CPLANE1: variants seen among roughly 807,000 people sequenced by gnomAD.
CPLANE1 encodes the protein ciliogenesis and planar polarity effector 1.
A neutral mutation model predicts 362.5 loss-of-function variants in CPLANE1; 263 were observed. The ratio of observed to expected loss-of-function variants is 0.73; its 90% CI spans 0.66 to 0.80. The LOEUF is 0.80. Among genes scored for constraint, CPLANE1 ranks in the 30% least tolerant of loss-of-function variants. The probability of loss-of-function intolerance (pLI) is 0.00; values close to 1 mark genes in which losing one functional copy is unlikely to be tolerated. For synonymous variants in CPLANE1, 1,212 were observed against 1,302.6 expected (o/e 0.93, Z 1.50); for missense variants, 3,461 against 3,793.4 (o/e 0.91, Z 2.30).
intron 44 of CPLANE1, chr5:37,141,408 T>C (rs1012161442): frequency 2.0e-6 from 2 of 985,386 alleles, no homozygotes; most frequent in Non-Finnish European, 2.4e-6. Context: ...CTCAGATGCT[T>C]TATATATGAT....
At chr5:37,211,691 C>G in intron 16 of CPLANE1, 1 of 784,550 alleles carries the variant, frequency 1.3e-6, no homozygotes, top group Non-Finnish European at 2.4e-6. Context: ...CGCCATCACC[C>G]GCTGAGTCTA....
intron 21 of CPLANE1, among the ~76,000 whole-genome samples, chr5:37,192,134 GATATGTTTAT>G (rs1785713192): frequency 1.3e-5 from 2 of 152,070 alleles, no homozygotes; most frequent in South Asian, 4.1e-4. Context: ...TCAATGTTTA[GATATGTTTAT>G]ATATACAAAT....
Position 37,247,801 on chromosome 5 carries a change from T to C in CPLANE1, c.-47-56A>G. ...TGATGCATAATATTCACTGGGCATT[T>C]TTTTTTTTTTTTTGAGACAAGAGTT... On this transcript the variant is annotated intron_variant, in intron 1 of 52. Coordinates refer to ENST00000651892, the MANE Select transcript of CPLANE1 (RefSeq NM_001384732.1). 3.5e-5 allele frequency: 37 copies of C among 1,059,546 alleles called. No homozygotes were observed. In the African/African-American group the frequency reaches 5.1e-4, roughly 15 times the overall value. 65.6% of individuals were successfully genotyped at this position (1,059,546 alleles called of 1,614,324 possible).
intron 4 of CPLANE1, among the ~76,000 whole-genome samples, 187 bp downstream of exon 4, chr5:37,245,292 C>A (rs1739187445): frequency 1.9e-5 from 2 of 106,620 alleles, no homozygotes; most frequent in Non-Finnish European, 3.8e-5. Context: ...TAAACATAAC[C>A]AAAACTATAT....
At position 37,115,059 on chromosome 5, in the gene CPLANE1, G is replaced by A. The variant is rs1760525857; in HGVS notation, c.9311-10C>T. ...GTGAAAGTGGCAGTTCCTATACAGA[G>A]AGACAAACATTATTAGCCTTCCATA... On this transcript the variant is annotated splice_polypyrimidine_tract_variant and intron_variant, in intron 50 of 52. Transcript: ENST00000651892. The A allele has an allele frequency of 1.9e-6, 3 of 1,544,268 alleles. No individual in the cohort carries two copies. Among genetic ancestry groups the A allele is most frequent in the South Asian group, 1.1e-5 (1 of 88,424 alleles).
chr5:37,183,759 T>A, intron 25 of CPLANE1, 60 bp from the exon 26 acceptor site: 1 of 1,194,702 alleles, frequency 8.4e-7, no homozygotes, highest in Non-Finnish European at 1.2e-6. Context: ...AAAACTGATC[T>A]TAGAATTGAC....
At position 37,120,410 on chromosome 5, in the gene CPLANE1, A is replaced by C. The variant is rs895218083; in HGVS notation, c.9186-70T>G. The C allele has an allele frequency of 5.0e-6, 7 of 1,403,046 alleles. No individual in the cohort carries two copies. The African/African-American group carries it at 8.9e-5, about 18-fold the overall frequency. 86.9% of individuals were successfully genotyped at this position (1,403,046 alleles called of 1,614,324 possible). A position where few individuals can be genotyped will look rare whatever the true frequency, so the allele number is the denominator to read the frequency against. On this transcript the variant is annotated intron_variant, in intron 49 of 52. Coordinates refer to ENST00000651892, the MANE Select transcript of CPLANE1 (RefSeq NM_001384732.1). ...TCAGCGATAAACTTTAACATTTCAAAAAGCCCAAATTAAGCTGGGCACAGT... is the reference window on the plus strand; with the variant it reads ...TCAGCGATAAACTTTAACATTTCAACAAGCCCAAATTAAGCTGGGCACAGT...
At chr5:37,076,256 A>G in the CPLANE1 span, among the ~76,000 whole-genome samples, 1 of 147,198 alleles carries the variant, frequency 6.8e-6, no homozygotes, top group Admixed American at 6.8e-5. Flanking sequence ...CCTGTCTCAA[A>G]AAAAAAAAAA....
intron 23 of CPLANE1, 83 bp from the exon 24 acceptor site, chr5:37,186,477 C>T (rs1415657812): frequency 1.4e-6 from 1 of 711,450 alleles, no homozygotes. Context: ...TATTTTAACT[C>T]AAAATATAAA....
chr5:37,140,671 AG>A, intron 44 of CPLANE1: 6 of 985,412 alleles, frequency 6.1e-6, no homozygotes, highest in Non-Finnish European at 7.2e-6. Flanking sequence ...CATATGGGGA[AG>A]TAGGTGAGAT....
At chr5:37,140,566 T>C in intron 44 of CPLANE1, 1 of 985,432 alleles carries the variant, frequency 1.0e-6, no homozygotes, top group African/African-American at 1.7e-5. Context: ...AGAAGGTCCA[T>C]TAAAGAGACA....
chr5:37,156,784 A>T (rs1165370202), intron 41 of CPLANE1, among the ~76,000 whole-genome samples: 1 of 152,220 alleles, frequency 6.6e-6, no homozygotes, highest in African/African-American at 2.4e-5. Context: ...GAGGACTACA[A>T]GACAGAGAAG....
Position 37,239,729 on chromosome 5 carries a change from T to C in CPLANE1, c.818A>G (p.Asn273Ser). ...RDGLTLAVTL[N>S]QKDPKATQVL... ...TTTACTGACCTTGGGGTCTTTCTGA[T>C]TAAGAGTTACTGCCAGGGTAAGGCC... is the stretch of plus-strand genomic sequence containing the variant. Residue 273 changes from asparagine (N) to serine (S), a missense_variant, in exon 7 of 53, where the codon AAT becomes AGT. Asn to Ser is a conservative substitution (Grantham distance 46). Around this residue, in one of 2 missense-constraint regions of CPLANE1, gnomAD observed 3,380 missense variants for 3,666.1 expected, o/e 0.92. Coordinates refer to ENST00000651892, the MANE Select transcript of CPLANE1 (RefSeq NM_001384732.1). 1 of 1,530,284 alleles carries C rather than the reference T, an allele frequency of 6.5e-7. No individual in the cohort carries two copies. The highest frequency in any genetic ancestry group is 1.3e-5 in the South Asian group (1 of 78,626). The allele number at this position is 1,530,284 out of a possible 1,614,324, so 94.8% of individuals were successfully genotyped here.
At chr5:37,129,170 A>C (rs2150197936) in intron 46 of CPLANE1, among the ~76,000 whole-genome samples, 1 of 152,278 alleles carries the variant, frequency 6.6e-6, no homozygotes, top group South Asian at 2.1e-4. Context: ...CACTCTATTC[A>C]ACAAATGGTG....
intron 44 of CPLANE1, chr5:37,141,785 A>T (rs367809721): frequency 1.0e-6 from 1 of 980,582 alleles, no homozygotes. Flanking sequence ...AACAGTTTTA[A>T]TTGCTACCTC....
intron 16 of CPLANE1, chr5:37,212,348 C>A: frequency 1.2e-6 from 1 of 852,890 alleles, no homozygotes; most frequent in Non-Finnish European, 2.1e-6. Flanking sequence ...GTTTAACACG[C>A]TTTTCTCATG....
intron 52 of CPLANE1, 72 bp downstream of exon 52, chr5:37,108,213 AAAACAAAC>A (rs576771478): frequency 6.5e-6 from 9 of 1,381,608 alleles, no homozygotes; most frequent in Admixed American, 2.1e-5. Flanking sequence ...AACAAACTAA[AAAACAAAC>A]AAACAAACAA....
At position 37,142,340 on chromosome 5, in the gene CPLANE1, T is replaced by G. The variant is rs780136856; in HGVS notation, c.8602A>C (p.Ser2868Arg). ...PTADSAVSLS[S>R]SSDQNTTSPG... ...GAAGTAGTATTCTGATCACTGGAAC[T>G]GGAAAGGCTGACAGCTGAATCGGCA... The change falls in exon 44 of 53, where the codon AGT (serine) becomes CGT (arginine). Residue 2868 changes from serine (S) to arginine (R), a missense_variant. Around this residue, in one of 2 missense-constraint regions of CPLANE1, gnomAD observed 3,380 missense variants for 3,666.1 expected, o/e 0.92. Transcript: ENST00000651892. The G allele has an allele frequency of 6.2e-7, 1 of 1,603,272 alleles. No homozygotes were observed. The highest frequency in any genetic ancestry group is 2.3e-5 in the East Asian group (1 of 44,384).
At position 37,170,216 on chromosome 5, in the gene CPLANE1, T is replaced by C. The variant is rs1382440073; in HGVS notation, c.6287A>G (p.Gln2096Arg). The change falls in exon 33 of 53, where the codon CAA (glutamine) becomes CGA (arginine). Residue 2096 changes from glutamine to arginine, a missense_variant. Around this residue, in one of 2 missense-constraint regions of CPLANE1, gnomAD observed 3,380 missense variants for 3,666.1 expected, o/e 0.92. Transcript: ENST00000651892. The part of the protein sequence containing the change: ...QSQSVHLGES[Q>R]ESNLRGCGDV... ...ACCACATCCTCTTAGGTTTGATTCT[T>C]GGCTTTCCCCTAAATGCACAGACTG... is the stretch of plus-strand genomic sequence containing the variant. The C allele has an allele frequency of 1.9e-6, 3 of 1,614,092 alleles. No homozygotes were observed. In the African/African-American group the frequency reaches 4.0e-5, roughly 22 times the overall value.
Sources: allele counts gnomAD v4.1 joint callset (sites outside exome capture counted in the v4.1 genomes callset), GRCh38; gene constraint gnomAD v4.1.1; regional missense constraint gnomAD v4.1.1; transcripts MANE v1.5; gene names NCBI Gene and HGNC (gene_info 2026-07-23, HGNC 2026-07-21).